The following KDM4B variants were observed in gnomAD, a reference collection of about 807,000 sequenced individuals.
KDM4B encodes the protein lysine demethylase 4B.
KDM4B carries 32 observed loss-of-function variants against 125.2 expected under a neutral mutation model. The observed-to-expected ratio is 0.26, with a 90% confidence interval of 0.19 to 0.34. The LOEUF is 0.34. Ranked by LOEUF, KDM4B falls within the 10% of genes least tolerant of loss-of-function variation. The pLI is 1.00. For synonymous variants in KDM4B, 721 were observed against 677.9 expected (o/e 1.06, Z -0.99); for missense variants, 1,190 against 1,577.7 (o/e 0.75, Z 4.16).
In KDM4B at chr19:5,123,059, G is replaced by A. The variant is rs146208491; in HGVS notation, c.1315+3207G>A. On this transcript the variant is annotated intron_variant, in intron 11 of 22. Transcript: ENST00000159111. Reference sequence around the variant, plus strand: ...GGCACTAGGACTGTGCAGATGCAGGGACAGGCAAACTAACCAACCTCCATC... The same window carrying A: ...GGCACTAGGACTGTGCAGATGCAGGAACAGGCAAACTAACCAACCTCCATC... 5.4e-3 allele frequency among the ~76,000 whole-genome samples: 821 copies of A among 152,356 alleles called. 2 individuals are homozygous for A. The highest frequency in any genetic ancestry group is 0.031 in the Middle Eastern group (9 of 294).
intron 1 of KDM4B, among the ~76,000 whole-genome samples, chr19:5,005,595 C>G (rs533339872): frequency 1.3e-4 from 20 of 152,232 alleles, no homozygotes; most frequent in Non-Finnish European, 2.6e-4. Context: ...GGTTCACCTT[C>G]CTTTATTTGC....
In KDM4B at chr19:5,114,121, GC is replaced by G; in HGVS notation, c.1115+3305del. The G allele has an allele frequency of 7.8e-7, 1 of 1,289,426 alleles. No individual in the cohort carries two copies. 79.9% of individuals were successfully genotyped at this position (1,289,426 alleles called of 1,614,324 possible). Reference sequence around the variant, plus strand: ...GTGGCGCTGTGCGTTCTGGTGCCCTGCCTGAGCCGGAGCCCTCACAGTGCTC... The same window carrying G: ...GTGGCGCTGTGCGTTCTGGTGCCCTGCTGAGCCGGAGCCCTCACAGTGCTC... On this transcript the variant is annotated intron_variant, in intron 10 of 22. Transcript: ENST00000159111. The surrounding 1 kb of genome is among the most constrained non-coding windows in gnomAD (Gnocchi z 5.8).
At chr19:5,120,393 A>G (rs1160680413) in intron 11 of KDM4B, among the ~76,000 whole-genome samples, 1 of 152,238 alleles carries the variant, frequency 6.6e-6, no homozygotes, top group Non-Finnish European at 1.5e-5. Context: ...TGCAGCAGCC[A>G]CAGCCACTTG....
At chr19:5,003,951 A>T (rs991816776) in intron 1 of KDM4B, among the ~76,000 whole-genome samples, 2 of 152,058 alleles carry the variant, frequency 1.3e-5, no homozygotes, top group Non-Finnish European at 2.9e-5. Context: ...CCGCGGTCGG[A>T]TGCTCAGCCG....
intron 1 of KDM4B, among the ~76,000 whole-genome samples, chr19:4,981,186 C>G (rs922104481): frequency 3.3e-5 from 5 of 152,158 alleles, no homozygotes; most frequent in Non-Finnish European, 7.4e-5. Flanking sequence ...TGTCTCCGCT[C>G]CATGGGGCAG....
At position 5,151,348 on chromosome 19, in the gene KDM4B, G is replaced by A; in HGVS notation, c.3128G>A (p.Gly1043Glu). ...RVRSRLSLST[G>E]APQEPAFSGE... ...GCTCTCCCGCAGTCACTGAGCACGG[G>A]GGCACCGCAGGAGCCCGCCTTCTCG... Residue 1043 changes from glycine to glutamate, a missense_variant, in exon 23 of 23, where the codon GGG becomes GAG. Physicochemically the swap from Gly to Glu is moderately conservative, Grantham distance 98. Coordinates refer to ENST00000159111, the MANE Select transcript of KDM4B (RefSeq NM_015015.3). The A allele has an allele frequency of 6.4e-7, 1 of 1,565,928 alleles. No individual in the cohort carries two copies. The highest frequency in any genetic ancestry group is 8.6e-7 in the Non-Finnish European group (1 of 1,157,700).
At chr19:5,148,487 C>T (rs1013852138) in intron 21 of KDM4B, among the ~76,000 whole-genome samples, 19 of 152,348 alleles carry the variant, frequency 1.2e-4, no homozygotes, top group Admixed American at 4.6e-4. Flanking sequence ...TTCTAGAACG[C>T]GCCTTCCCCT....
At position 5,001,668 on chromosome 19, in the gene KDM4B, T is replaced by TTAGCTTTTAGCATAA. The variant is rs1366705835; in HGVS notation, c.-108-14589_-108-14588insTAGCTTTTAGCATAA. Among the ~76,000 whole-genome samples, 1,160 of 152,324 alleles carry TTAGCTTTTAGCATAA rather than the reference T, an allele frequency of 7.6e-3. 12 individuals carry two copies. The highest frequency in any genetic ancestry group is 0.027 in the African/African-American group (1,115 of 41,560). ...TTAGCTTTTATGCTAAACACCCATG[T>TTAGCTTTTAGCATAA]AAGTCCTGTTCCGCCAGCTGTGTCG... On this transcript the variant is annotated intron_variant, in intron 1 of 22. Transcript: ENST00000159111.
intron 6 of KDM4B, among the ~76,000 whole-genome samples, chr19:5,066,659 G>T (rs926149417): frequency 2.0e-5 from 3 of 152,188 alleles, no homozygotes; most frequent in African/African-American, 7.2e-5. Flanking sequence ...TGACCTCCTG[G>T]TCACCACCAC....
chr19:5,061,005 C>T (rs1181748384), intron 6 of KDM4B, among the ~76,000 whole-genome samples: 2 of 152,242 alleles, frequency 1.3e-5, no homozygotes, highest in Non-Finnish European at 2.9e-5. Flanking sequence ...GAGTCTGCTC[C>T]TAATTAAAGT....
At chr19:5,134,897 C>A (rs909604622) in intron 14 of KDM4B, among the ~76,000 whole-genome samples, 1 of 152,232 alleles carries the variant, frequency 6.6e-6, no homozygotes, top group Non-Finnish European at 1.5e-5. Context: ...CGTCTCCAGG[C>A]ACTTGCTGTC....
At chr19:5,129,080 C>T (rs1023647500) in intron 11 of KDM4B, among the ~76,000 whole-genome samples, 1 of 152,216 alleles carries the variant, frequency 6.6e-6, no homozygotes, top group African/African-American at 2.4e-5. Context: ...CTTATGGCTG[C>T]TCGCCTGTCC....
At chr19:5,049,211 C>T (rs998307143) in intron 6 of KDM4B, among the ~76,000 whole-genome samples, 18 of 152,090 alleles carry the variant, frequency 1.2e-4, no homozygotes, top group Admixed American at 8.5e-4. Flanking sequence ...CGCCAGGAGC[C>T]GAGGGCCTCT....
chr19:5,048,418 G>A (rs1008150556), intron 6 of KDM4B, among the ~76,000 whole-genome samples: 3 of 152,214 alleles, frequency 2.0e-5, no homozygotes, highest in Non-Finnish European at 2.9e-5. Flanking sequence ...GGTGCTCCGC[G>A]GGGCTGCCCT....
chr19:5,057,377 T>A (rs1388458524), intron 6 of KDM4B, among the ~76,000 whole-genome samples: 1 of 152,202 alleles, frequency 6.6e-6, no homozygotes, highest in Non-Finnish European at 1.5e-5. Flanking sequence ...GTGCACTCAT[T>A]GTCATGGCTG....
At position 5,142,229 on chromosome 19, in the gene KDM4B, G is replaced by A. The variant is rs568348083; in HGVS notation, c.2551-1738G>A. On this transcript the variant is annotated intron_variant, in intron 18 of 22. Coordinates refer to ENST00000159111, the MANE Select transcript of KDM4B (RefSeq NM_015015.3). The surrounding 1 kb of genome is among the most constrained non-coding windows in gnomAD (Gnocchi z 5.4). The stretch of plus-strand genomic sequence containing the variant: ...CCTGGGCCCTTCCAGGCCCCCCACG[G>A]GCCGTAGACCCTGACTCCCCGGCAC... Among the ~76,000 whole-genome samples, 194 of 152,224 alleles carry A rather than the reference G, an allele frequency of 1.3e-3. 1 individual carries two copies. Among genetic ancestry groups the A allele is most frequent in the African/African-American group, 4.1e-3 (172 of 41,558 alleles).
chr19:5,095,341 C>T (rs181053171), intron 9 of KDM4B, among the ~76,000 whole-genome samples: 2 of 152,326 alleles, frequency 1.3e-5, no homozygotes, highest in East Asian at 3.9e-4. Context: ...TCTCATTAGG[C>T]CGGTGGCTGT....
intron 6 of KDM4B, among the ~76,000 whole-genome samples, chr19:5,067,271 C>A (rs1175958190): frequency 1.3e-5 from 2 of 152,192 alleles, no homozygotes; most frequent in African/African-American, 4.8e-5. Context: ...CTCTGAAGCC[C>A]CGTGGCTGTT....
At chr19:5,023,758 ATTTTTTTTTT>A (rs148293792) in intron 2 of KDM4B, among the ~76,000 whole-genome samples, 3 of 89,122 alleles carry the variant, frequency 3.4e-5, no homozygotes, top group African/African-American at 9.4e-5. Context: ...GTCTTTTTGA[ATTTTTTTTTT>A]TTTTTTTTTT....
Sources: allele counts gnomAD v4.1 joint callset (sites outside exome capture counted in the v4.1 genomes callset), GRCh38; gene constraint gnomAD v4.1.1; non-coding constraint Gnocchi (gnomAD v3.1); transcripts MANE v1.5; gene names NCBI Gene and HGNC (gene_info 2026-07-23, HGNC 2026-07-21).